CHCHD6: variants seen among roughly 807,000 people sequenced by gnomAD.
CHCHD6 encodes the protein MICOS complex subunit MIC25.
Under a neutral mutation model 32.3 loss-of-function variants are expected in CHCHD6, and 28 were observed. That is an observed-to-expected ratio of 0.87 (90% CI 0.64 to 1.19). The LOEUF is 1.19. Ranked by LOEUF, CHCHD6 falls within the 50% of genes most tolerant of loss-of-function variation. CHCHD6 has a pLI of 0.00. For synonymous variants in CHCHD6, 122 were observed against 117.5 expected, an observed-to-expected ratio of 1.04 and a Z score of -0.25; for missense variants, 333 against 307.0, an observed-to-expected ratio of 1.08 and a Z score of -0.63.
intron 4 of CHCHD6, among the ~76,000 whole-genome samples, chr3:126,812,238 C>T (rs913404641): frequency 1.6e-4 from 24 of 150,818 alleles, no homozygotes; most frequent in African/African-American, 5.6e-4. Context: ...CCTCAACATG[C>T]AAGTTTGAAG....
chr3:126,875,383 C>T (rs761818076), intron 5 of CHCHD6, among the ~76,000 whole-genome samples: 1 of 152,250 alleles, frequency 6.6e-6, no homozygotes, highest in Non-Finnish European at 1.5e-5. Flanking sequence ...TGTCAGTGGA[C>T]ACCTGGGACT....
chr3:126,767,791 C>T (rs1416138729), intron 4 of CHCHD6, among the ~76,000 whole-genome samples: 2 of 152,132 alleles, frequency 1.3e-5, no homozygotes, highest in African/African-American at 4.8e-5. Flanking sequence ...TATTCCCCTC[C>T]TAGTATCCAA....
At chr3:126,721,718 T>G (rs1180250138) in intron 1 of CHCHD6, among the ~76,000 whole-genome samples, 1 of 44,508 alleles carries the variant, frequency 2.2e-5, no homozygotes, top group African/African-American at 9.5e-5. Flanking sequence ...CCCCCCACCC[T>G]CCCCACCAAA....
In CHCHD6 at chr3:126,957,234, GA is replaced by G. The variant is rs551111896; in HGVS notation, c.567-181del. The stretch of plus-strand genomic sequence containing the variant: ...CACCCACCACAGGGCTTGACCCTGC[GA>G]CCGTCCTCTCATTTCTAGAACGGGA... On this transcript the variant is annotated intron_variant, in intron 6 of 7. Transcript: ENST00000290913. The G allele has an allele frequency of 7.3e-6, 5 of 683,604 alleles. No homozygotes were observed. The East Asian group carries it at 1.4e-4, about 19-fold the overall frequency. 42.3% of individuals were successfully genotyped at this position (683,604 alleles called of 1,614,324 possible).
chr3:126,816,213 C>T (rs919635463), intron 4 of CHCHD6, among the ~76,000 whole-genome samples: 2 of 152,140 alleles, frequency 1.3e-5, no homozygotes, highest in African/African-American at 4.8e-5. Context: ...TCTCCCTTAG[C>T]ATCAGTGTCA....
At chr3:126,815,684 G>C (rs1209794876) in intron 4 of CHCHD6, among the ~76,000 whole-genome samples, 1 of 139,334 alleles carries the variant, frequency 7.2e-6, no homozygotes, top group African/African-American at 2.7e-5. Context: ...TTGCTCCCTT[G>C]AGCTCCTTCT....
chr3:126,731,165 G>A (rs1935786626), intron 3 of CHCHD6, among the ~76,000 whole-genome samples: 1 of 150,770 alleles, frequency 6.6e-6, no homozygotes, highest in Non-Finnish European at 1.5e-5. Context: ...TGAGTGGCTG[G>A]AACTTCTGCA....
chr3:126,888,952 G>A (rs2077715474), intron 5 of CHCHD6, among the ~76,000 whole-genome samples: 1 of 152,192 alleles, frequency 6.6e-6, no homozygotes, highest in Non-Finnish European at 1.5e-5. Flanking sequence ...TAGCCCCACA[G>A]CAGGCCTTCC....
intron 5 of CHCHD6, among the ~76,000 whole-genome samples, chr3:126,895,918 G>C (rs1486473064): frequency 1.3e-5 from 2 of 152,216 alleles, no homozygotes; most frequent in Non-Finnish European, 2.9e-5. Flanking sequence ...GAAGGACAGG[G>C]TGTTTATTCA....
At chr3:126,954,732 A>G (rs1018350885) in intron 6 of CHCHD6, among the ~76,000 whole-genome samples, 1 of 145,638 alleles carries the variant, frequency 6.9e-6, no homozygotes, top group Non-Finnish European at 1.5e-5. Context: ...AGGGGAGTGC[A>G]GCAGAGGCTA....
At chr3:126,949,704 C>T (rs192357018) in intron 6 of CHCHD6, 4 of 200,358 alleles carry the variant, frequency 2.0e-5, no homozygotes, top group East Asian at 3.7e-4. Flanking sequence ...AGAGCCTTAT[C>T]ACCAATGGGA....
intron 6 of CHCHD6, among the ~76,000 whole-genome samples, chr3:126,934,536 CTTTTTTTTTTT>C (rs386397861): frequency 0.031 from 1,812 of 58,294 alleles, 38 homozygotes; most frequent in Middle Eastern, 0.092. Context: ...CCCCTCTCTG[CTTTTTTTTTTT>C]TTTTTTTTTT....
chr3:126,883,048 C>A, intron 5 of CHCHD6, among the ~76,000 whole-genome samples: 1 of 152,162 alleles, frequency 6.6e-6, no homozygotes, highest in East Asian at 1.9e-4. Flanking sequence ...TCAATCTTGC[C>A]TACATAATGA....
chr3:126,902,032 TAA>T (rs1424992818), intron 5 of CHCHD6, among the ~76,000 whole-genome samples: 1 of 152,256 alleles, frequency 6.6e-6, no homozygotes, highest in Non-Finnish European at 1.5e-5. Context: ...TCCTAAGGCA[TAA>T]AACTAGTGAG....
At chr3:126,901,009 C>T (rs1559911879) in intron 5 of CHCHD6, among the ~76,000 whole-genome samples, 1 of 151,992 alleles carries the variant, frequency 6.6e-6, no homozygotes, top group African/African-American at 2.4e-5. Context: ...ATGCAAACAC[C>T]CCCCCCAGGC....
intron 5 of CHCHD6, among the ~76,000 whole-genome samples, chr3:126,892,816 C>T (rs757591017): frequency 1.3e-5 from 2 of 152,230 alleles, no homozygotes; most frequent in Non-Finnish European, 2.9e-5. Context: ...TTGCCCAGCA[C>T]TTCTGCCTGC....
At chr3:126,880,441 G>C (rs1190489266) in intron 5 of CHCHD6, among the ~76,000 whole-genome samples, 1 of 152,146 alleles carries the variant, frequency 6.6e-6, no homozygotes, top group Non-Finnish European at 1.5e-5. Flanking sequence ...ATCTCACACA[G>C]AACAGAACCA....
intron 4 of CHCHD6, among the ~76,000 whole-genome samples, chr3:126,749,029 G>T (rs747088891): frequency 3.9e-5 from 6 of 152,180 alleles, no homozygotes; most frequent in Non-Finnish European, 7.3e-5. Flanking sequence ...CGACCTAGAG[G>T]GTAAGTGGGA....
intron 4 of CHCHD6, among the ~76,000 whole-genome samples, chr3:126,833,881 C>T (rs1940740992): frequency 6.6e-6 from 1 of 151,224 alleles, no homozygotes; most frequent in Admixed American, 6.6e-5. Flanking sequence ...CGGTGAAACC[C>T]CGTCTCTACT....
Sources: gnomAD v4.1 joint callset for allele counts (sites outside exome capture counted in the v4.1 genomes callset) on GRCh38, gnomAD v4.1.1 for gene constraint, MANE v1.5 for transcripts, NCBI Gene and HGNC (gene_info 2026-07-23, HGNC 2026-07-21) for gene names.